Variants in PAIP2B observed in about 807,000 individuals in gnomAD.
The protein encoded by PAIP2B is poly(A) binding protein interacting protein 2B.
Under a neutral mutation model 17.0 loss-of-function variants are expected in PAIP2B, and 13 were observed. The observed-to-expected ratio is 0.76, with a 90% CI of 0.50 to 1.22. The LOEUF (loss-of-function observed/expected upper bound fraction) is 1.22, where lower values mean the gene tolerates loss of function less well. Among genes scored for constraint, PAIP2B ranks in the 50% most tolerant of loss-of-function variants. The pLI is 0.00. For missense variants in PAIP2B, 117 were observed against 144.5 expected (o/e 0.81, Z 0.98); for synonymous variants, 43 against 48.7 (o/e 0.88, Z 0.48).
chr2:71,211,298 G>T (rs552030535), intron 1 of PAIP2B, among the ~76,000 whole-genome samples: 50 of 152,022 alleles, frequency 3.3e-4, no homozygotes, highest in African/African-American at 1.2e-3. Flanking sequence ...TGGCAAGAAG[G>T]TCTATTCTAA....
intron 2 of PAIP2B, among the ~76,000 whole-genome samples, chr2:71,196,145 G>A (rs917188636): frequency 1.3e-5 from 2 of 152,102 alleles, no homozygotes; most frequent in East Asian, 1.9e-4. Flanking sequence ...TTTGTGAGGT[G>A]GGCATTTAGT....
chr2:71,207,379 T>G (rs1446798994), intron 1 of PAIP2B, among the ~76,000 whole-genome samples: 2 of 152,042 alleles, frequency 1.3e-5, no homozygotes, highest in African/African-American at 2.4e-5. Flanking sequence ...AGCCAGAGAA[T>G]GACAAGGAAG....
chr2:71,193,836 C>A (rs776638234), intron 2 of PAIP2B, among the ~76,000 whole-genome samples: 11,239 of 141,504 alleles, frequency 0.079, 428 homozygotes, highest in African/African-American at 0.091. Context: ...GACTCTGTCC[C>A]AAAAAAAAAA....
chr2:71,224,060 C>T (rs556959004), intron 1 of PAIP2B, among the ~76,000 whole-genome samples: 1 of 152,138 alleles, frequency 6.6e-6, no homozygotes, highest in Non-Finnish European at 1.5e-5. Flanking sequence ...CACTCCTTGC[C>T]CAAGTCCCAA....
intron 2 of PAIP2B, among the ~76,000 whole-genome samples, chr2:71,193,493 C>T (rs1007839841): frequency 2.0e-5 from 3 of 152,106 alleles, no homozygotes; most frequent in Non-Finnish European, 4.4e-5. Context: ...GGTGTCTTCG[C>T]CATTAAATCT....
At chr2:71,194,115 C>T (rs1042848151) in intron 2 of PAIP2B, among the ~76,000 whole-genome samples, 14 of 152,190 alleles carry the variant, frequency 9.2e-5, no homozygotes, top group African/African-American at 3.1e-4. Context: ...ATTTTGGTCA[C>T]TGTAGACTTG....
intron 1 of PAIP2B, among the ~76,000 whole-genome samples, chr2:71,205,106 A>G (rs2103791259): frequency 6.6e-6 from 1 of 152,342 alleles, no homozygotes; most frequent in Non-Finnish European, 1.5e-5. Flanking sequence ...TGGAACACAG[A>G]TAGCAAATTC....
chr2:71,201,056 T>TACC (rs1674973194), intron 2 of PAIP2B, among the ~76,000 whole-genome samples: 6 of 151,924 alleles, frequency 3.9e-5, no homozygotes, highest in Admixed American at 3.9e-4. Flanking sequence ...AATGTGTATG[T>TACC]GTGTTTCTGC....
intron 1 of PAIP2B, among the ~76,000 whole-genome samples, chr2:71,204,299 A>G (rs1675067162): frequency 6.6e-6 from 1 of 152,204 alleles, no homozygotes; most frequent in Non-Finnish European, 1.5e-5. Context: ...TTTCTATAAC[A>G]AATTATTTCC....
chr2:71,183,690 A>T lies in PAIP2B; in HGVS notation c.*4789T>A, dbSNP rs564064405. On this transcript the variant is annotated 3_prime_UTR_variant, in exon 4 of 4. Coordinates refer to ENST00000244221, the MANE Select transcript of PAIP2B (RefSeq NM_020459.1). Reference sequence around the variant, plus strand: ...AAAAGCCAGACCCAAGGGACCACATATTGTATGATTCCATTGATTTGAACT... The same window carrying T: ...AAAAGCCAGACCCAAGGGACCACATTTTGTATGATTCCATTGATTTGAACT... 1 of 152,238 alleles carries T rather than the reference A, an allele frequency of 6.6e-6. No individual in the cohort carries two copies. Among genetic ancestry groups the T allele is most frequent in the Non-Finnish European group, 1.5e-5 (1 of 68,044 alleles). 9.4% of individuals were successfully genotyped at this position (152,238 alleles called of 1,614,324 possible).
In PAIP2B at chr2:71,221,498, C is replaced by T. The variant is rs111365573; in HGVS notation, c.-12+5430G>A. Among the ~76,000 whole-genome samples the T allele has an allele frequency of 3.9e-5, 6 of 152,256 alleles. No homozygotes were observed. In the East Asian group the frequency reaches 7.7e-4, roughly 20 times the overall value. On this transcript the variant is annotated intron_variant, in intron 1 of 3. Coordinates refer to ENST00000244221, the MANE Select transcript of PAIP2B (RefSeq NM_020459.1). ...GTAGACCCTGCCCTCACAGAGCTCACGGTCTAGTATGAAAAACAGCCATAT... is the reference window on the plus strand; with the variant it reads ...GTAGACCCTGCCCTCACAGAGCTCATGGTCTAGTATGAAAAACAGCCATAT...
At chr2:71,218,479 T>G (rs1675490029) in intron 1 of PAIP2B, among the ~76,000 whole-genome samples, 1 of 152,180 alleles carries the variant, frequency 6.6e-6, no homozygotes, top group Non-Finnish European at 1.5e-5. Context: ...ATTTTCTGCT[T>G]AAAGACGAGC....
At chr2:71,194,487 GTGTGT>G (rs1572922713) in intron 2 of PAIP2B, among the ~76,000 whole-genome samples, 1 of 148,806 alleles carries the variant, frequency 6.7e-6, no homozygotes. Context: ...GTGTGTGTGT[GTGTGT>G]GGCAACTGTG....
intron 1 of PAIP2B, among the ~76,000 whole-genome samples, chr2:71,203,040 A>C (rs1675026082): frequency 1.3e-5 from 2 of 152,202 alleles, no homozygotes; most frequent in African/African-American, 4.8e-5. Context: ...ATGTATTTTA[A>C]AAAATACATG....
chr2:71,224,684 C>T (rs1029264051), intron 1 of PAIP2B, among the ~76,000 whole-genome samples: 4 of 152,172 alleles, frequency 2.6e-5, no homozygotes, highest in Admixed American at 6.5e-5. Context: ...ACAGTGCCAT[C>T]GTGCTTCTCT....
chr2:71,210,995 C>T (rs983235502), intron 1 of PAIP2B, among the ~76,000 whole-genome samples: 4 of 152,104 alleles, frequency 2.6e-5, no homozygotes, highest in Non-Finnish European at 4.4e-5. Flanking sequence ...GCCTATAGTC[C>T]CAGCACTTTG....
intron 1 of PAIP2B, among the ~76,000 whole-genome samples, chr2:71,212,763 A>G (rs1016103613): frequency 2.7e-5 from 4 of 149,628 alleles, no homozygotes; most frequent in South Asian, 2.1e-4. Flanking sequence ...CTATTTTTTA[A>G]TTTTTATAGA....
In PAIP2B at chr2:71,184,863, A is replaced by C. The variant is rs1167039348; in HGVS notation, c.*3616T>G. ...CCTTCCCAATTATGTGGACGTCTCCAAATCTTGGTCAAATCTGTCAGATTT... is the reference window on the plus strand; with the variant it reads ...CCTTCCCAATTATGTGGACGTCTCCCAATCTTGGTCAAATCTGTCAGATTT... On this transcript the variant is annotated 3_prime_UTR_variant, in exon 4 of 4. Coordinates refer to ENST00000244221, the MANE Select transcript of PAIP2B (RefSeq NM_020459.1). The C allele has an allele frequency of 1.3e-5, 2 of 152,300 alleles. No homozygotes were observed. The highest frequency in any genetic ancestry group is 3.9e-4 in the East Asian group (2 of 5,176). 9.4% of individuals were successfully genotyped at this position (152,300 alleles called of 1,614,324 possible). A position where few individuals can be genotyped will look rare whatever the true frequency, so the allele number is the denominator to read the frequency against.
At chr2:71,204,505 C>T (rs34309240) in intron 1 of PAIP2B, among the ~76,000 whole-genome samples, 10,136 of 151,904 alleles carry the variant, frequency 0.067, 376 homozygotes, top group African/African-American at 0.093. Flanking sequence ...TTGTGAAGAG[C>T]AAAGAATAGA....
Sources: allele counts gnomAD v4.1 joint callset (sites outside exome capture counted in the v4.1 genomes callset), GRCh38; gene constraint gnomAD v4.1.1; transcripts MANE v1.5; gene names NCBI Gene and HGNC (gene_info 2026-07-23, HGNC 2026-07-21).